Variants in IPO4 observed in about 807,000 individuals in gnomAD.
The protein encoded by IPO4 is importin-4.
A neutral mutation model predicts 133.5 loss-of-function variants in IPO4; 91 were observed. The ratio of observed to expected loss-of-function variants is 0.68; its 90% CI spans 0.58 to 0.81. The LOEUF (loss-of-function observed/expected upper bound fraction) is 0.81, where lower values mean the gene tolerates loss of function less well. Among genes scored for constraint, IPO4 ranks in the 30% least tolerant of loss-of-function variants. IPO4 has a pLI of 0.00. For missense variants in IPO4, 1,279 were observed against 1,386.2 expected (o/e 0.92, Z 1.23); for synonymous variants, 607 against 581.6 (o/e 1.04, Z -0.63).
chr14:24,180,632 CTG>C, intron 29 of IPO4, 55 bp downstream of exon 29: 1 of 1,612,756 alleles, frequency 6.2e-7, no homozygotes, highest in Non-Finnish European at 8.5e-7. Context: ...CCCAGGCTCT[CTG>C]AGCCCTGCCA....
In IPO4 at chr14:24,184,049, T is replaced by A. The variant is rs1402485225; in HGVS notation, c.1818A>T (p.Glu606Asp). Reference protein sequence around the residue: ...LMGEGLAPHLEQITTLMLLSL... With the variant: ...LMGEGLAPHLDQITTLMLLSL... The stretch of plus-strand genomic sequence containing the variant: ...ACAGCAGCATGAGCGTGGTGATCTG[T>A]TCCAAGTGGGGCGCCAGGCCCTCAC... Residue 606 changes from glutamate to aspartate, a missense_variant, in exon 18 of 30, where the codon GAA becomes GAT. Glu to Asp is a conservative substitution (Grantham distance 45). Transcript: ENST00000354464. The A allele has an allele frequency of 1.9e-6, 3 of 1,604,166 alleles. No individual in the cohort carries two copies. The highest frequency in any genetic ancestry group is 3.4e-5 in the Admixed American group (2 of 59,382).
Position 24,188,756 on chromosome 14 carries a change from C to A in IPO4, c.32G>T (p.Arg11Leu), listed in dbSNP as rs1566646403. Residue 11 changes from arginine (R) to leucine (L), a missense_variant, in exon 1 of 30, where the codon CGG (arginine) becomes CTG (leucine). Coordinates refer to ENST00000354464, the MANE Select transcript of IPO4 (RefSeq NM_024658.4). ...CTCGGTGTCCGGTAGCAGCAGCTCC[C>A]GTAGGAGCTGCTCTAGCCCGGCTGA... is the stretch of plus-strand genomic sequence containing the variant. MESAGLEQLL[R>L]ELLLPDTERI... 6.5e-7 allele frequency: 1 copy of A among 1,534,164 alleles called. No individual in the cohort carries two copies. Among genetic ancestry groups the A allele is most frequent in the Non-Finnish European group, 8.8e-7 (1 of 1,141,296 alleles).
At chr14:24,183,715 G>A in intron 19 of IPO4, 48 bp from the exon 20 acceptor site, 1 of 1,614,196 alleles carries the variant, frequency 6.2e-7, no homozygotes, top group East Asian at 2.2e-5. Context: ...AAGAGGAGCA[G>A]ATCCAGCACT....
At position 24,188,592 on chromosome 14, in the gene IPO4, G is replaced by A. The variant is rs1288488965; in HGVS notation, c.116C>T (p.Pro39Leu). 2.5e-6 allele frequency: 4 copies of A among 1,613,182 alleles called. No individual in the cohort carries two copies. Among genetic ancestry groups the A allele is most frequent in the East Asian group, 2.2e-5 (1 of 44,858 alleles). ...CGAGGCTAGCAGGTCGCAGAGAGCC[G>A]GCAAAGCGGCGGGGGCCCGAAGAAC... ...QIVLRAPAALPALCDLLASAA... is the reference protein window; with the variant it reads ...QIVLRAPAALLALCDLLASAA... Residue 39 changes from proline (P) to leucine (L), a missense_variant, in exon 2 of 30, where the codon CCG becomes CTG. Pro to Leu is a moderately conservative substitution (Grantham distance 98). Around this residue, in one of 3 missense-constraint regions of IPO4, gnomAD observed 695 missense variants for 704.1 expected, o/e 0.99. Coordinates refer to ENST00000354464, the MANE Select transcript of IPO4 (RefSeq NM_024658.4).
intron 28 of IPO4, 99 bp from the exon 29 acceptor site, chr14:24,180,857 G>C (rs974037182): frequency 2.2e-5 from 21 of 956,692 alleles, no homozygotes; most frequent in Non-Finnish European, 3.3e-5. Flanking sequence ...TATCAGGGGG[G>C]TGGTTGCACC....
Position 24,181,956 on chromosome 14 carries a change from C to T in IPO4, c.2806G>A (p.Glu936Lys). 3 of 1,610,844 alleles carry T rather than the reference C, an allele frequency of 1.9e-6. No individual in the cohort carries two copies. Among genetic ancestry groups the T allele is most frequent in the Non-Finnish European group, 2.5e-6 (3 of 1,180,016 alleles). The change falls in exon 26 of 30, where the codon GAA becomes AAA. Residue 936 changes from glutamate to lysine, a missense_variant and splice_region_variant. By Grantham distance (56) the Glu-to-Lys change is moderately conservative. Coordinates refer to ENST00000354464, the MANE Select transcript of IPO4 (RefSeq NM_024658.4). ...TCCCGTCCTGCGAGCCAAGGATACTCCTGGGCAGGGTGGCCCCCATGCTCT... is the reference window on the plus strand; with the variant it reads ...TCCCGTCCTGCGAGCCAAGGATACTTCTGGGCAGGGTGGCCCCCATGCTCT... ...LAEHGGHPAQ[E>K]HFPKLLGLLF...
Position 24,187,545 on chromosome 14 carries a change from G to A in IPO4, c.443C>T (p.Ser148Phe). 1.2e-6 allele frequency: 2 copies of A among 1,614,162 alleles called. No homozygotes were observed. The highest frequency in any genetic ancestry group is 8.5e-7 in the Non-Finnish European group (1 of 1,180,036). Residue 148 changes from serine (S) to phenylalanine (F), a missense_variant, in exon 6 of 30, where the codon TCC becomes TTC. Physicochemically the swap from Ser to Phe is radical, Grantham distance 155. Around this residue, in one of 3 missense-constraint regions of IPO4, gnomAD observed 695 missense variants for 704.1 expected, o/e 0.99. Transcript: ENST00000354464. ...GTGGGGTTGGAAGGCCTCGGGCCGG[G>A]AGGTCACCACCACACTTAGCAGCAA... ...GLLLLSVVVTSRPEAFQPHHR... is the reference protein window; with the variant it reads ...GLLLLSVVVTFRPEAFQPHHR...
In IPO4 at chr14:24,185,164, T is replaced by TC. The variant is rs1313598639; in HGVS notation, c.1408+18dup. Reference sequence around the variant, plus strand: ...GCCGCCTCATCCCCCTTCCCCAAGCTCCCCACTGCCATCACTACCTAGGTT... The same window carrying TC: ...GCCGCCTCATCCCCCTTCCCCAAGCTCCCCCACTGCCATCACTACCTAGGTT... On this transcript the variant is annotated intron_variant, in intron 14 of 29. Coordinates refer to ENST00000354464, the MANE Select transcript of IPO4 (RefSeq NM_024658.4). 1 of 1,613,432 alleles carries TC rather than the reference T, an allele frequency of 6.2e-7. No homozygotes were observed. Among genetic ancestry groups the TC allele is most frequent in the South Asian group, 1.1e-5 (1 of 91,062 alleles).
At position 24,183,429 on chromosome 14, in the gene IPO4, A is replaced by C. The variant is rs750152166; in HGVS notation, c.2121+27T>G. On this transcript the variant is annotated intron_variant, in intron 21 of 29. Coordinates refer to ENST00000354464, the MANE Select transcript of IPO4 (RefSeq NM_024658.4). Reference sequence around the variant, plus strand: ...ACAGGGCCCCCAGCCTGAGAACCCCACCCACTCCACCCGCCGGCCCGCTCA... The same window carrying C: ...ACAGGGCCCCCAGCCTGAGAACCCCCCCCACTCCACCCGCCGGCCCGCTCA... 7 of 1,595,448 alleles carry C rather than the reference A, an allele frequency of 4.4e-6. No homozygotes were observed. In the South Asian group the frequency reaches 7.8e-5, roughly 18 times the overall value.
Position 24,180,374 on chromosome 14 carries a change from C to T in IPO4, c.*68G>A, listed in dbSNP as rs1045420025. The T allele has an allele frequency of 1.9e-6, 3 of 1,557,742 alleles. No homozygotes were observed. Among genetic ancestry groups the T allele is most frequent in the Non-Finnish European group, 2.6e-6 (3 of 1,148,698 alleles). On this transcript the variant is annotated 3_prime_UTR_variant, in exon 30 of 30. Coordinates refer to ENST00000354464, the MANE Select transcript of IPO4 (RefSeq NM_024658.4). The stretch of plus-strand genomic sequence containing the variant: ...GAATCTTTGGTAAGGCAGAACTGAA[C>T]TGGGCTGAGAGGTGGTCTTAAGGCC...
Position 24,182,179 on chromosome 14 carries a change from AG to A in IPO4, c.2599-17del. The A allele has an allele frequency of 2.5e-6, 4 of 1,614,102 alleles. No homozygotes were observed. Among genetic ancestry groups the A allele is most frequent in the Non-Finnish European group, 3.4e-6 (4 of 1,179,992 alleles). On this transcript the variant is annotated splice_polypyrimidine_tract_variant and intron_variant, in intron 25 of 29. Coordinates refer to ENST00000354464, the MANE Select transcript of IPO4 (RefSeq NM_024658.4). ...AGCCCTGTTTCTGATGGGGGAGAAC[AG>A]GAAGGAGTACAGATCAGCCTGGGCC...
At chr14:24,185,094 G>A (rs141508274) in intron 14 of IPO4, 89 bp downstream of exon 14, 1 of 1,591,098 alleles carries the variant, frequency 6.3e-7, no homozygotes, top group East Asian at 2.2e-5. Flanking sequence ...CCTACCACAG[G>A]CAGCAATGCA....
chr14:24,180,253 C>T lies in IPO4; in HGVS notation c.*189G>A, dbSNP rs2039104303. On this transcript the variant is annotated 3_prime_UTR_variant, in exon 30 of 30. Transcript: ENST00000354464. ...AGCAGAAAACAAGCTGCTTTTATTACAGTATGATGTCATGACTCATTTGTA... is the reference window on the plus strand; with the variant it reads ...AGCAGAAAACAAGCTGCTTTTATTATAGTATGATGTCATGACTCATTTGTA... 6.4e-7 allele frequency: 1 copy of T among 1,558,374 alleles called. No homozygotes were observed. The highest frequency in any genetic ancestry group is 8.7e-7 in the Non-Finnish European group (1 of 1,150,186).
At position 24,182,329 on chromosome 14, in the gene IPO4, G is replaced by C. The variant is rs2039153516; in HGVS notation, c.2547C>G (p.Asp849Glu). 2.5e-6 allele frequency: 4 copies of C among 1,613,632 alleles called. No homozygotes were observed. The highest frequency in any genetic ancestry group is 3.4e-6 in the Non-Finnish European group (4 of 1,179,924). ...IPALAAAAGG[D>E]SFAPFFAGFL... is the part of the protein sequence containing the mutation. Reference sequence around the variant, plus strand: ...AACCGGCAAAGAATGGGGCAAAGGAGTCTCCCCCAGCCGCGGCTGCCAGGG... The same window carrying C: ...AACCGGCAAAGAATGGGGCAAAGGACTCTCCCCCAGCCGCGGCTGCCAGGG... Residue 849 changes from aspartate to glutamate, a missense_variant, in exon 25 of 30, where the codon GAC (aspartate) becomes GAG (glutamate). Around this residue, in one of 3 missense-constraint regions of IPO4, gnomAD observed 575 missense variants for 653.4 expected, o/e 0.88. Coordinates refer to ENST00000354464, the MANE Select transcript of IPO4 (RefSeq NM_024658.4).
At chr14:24,182,622 T>C in intron 24 of IPO4, 170 bp downstream of exon 24, 2 of 943,854 alleles carry the variant, frequency 2.1e-6, no homozygotes, top group Non-Finnish European at 3.4e-6. Flanking sequence ...CTGCTCTCCT[T>C]CCCTGAACTC....
chr14:24,185,835 T>C (rs201530729), intron 12 of IPO4, 26 bp downstream of exon 12: 1 of 1,573,736 alleles, frequency 6.4e-7, no homozygotes, highest in Non-Finnish European at 8.7e-7. Context: ...TGGGCAACCC[T>C]CACCCTGGGA....
chr14:24,185,598 G>A, intron 12 of IPO4, 31 bp from the exon 13 acceptor site: 2 of 1,574,214 alleles, frequency 1.3e-6, no homozygotes, highest in Non-Finnish European at 1.7e-6. Context: ...GACATAGGCT[G>A]AGAAGCTACA....
chr14:24,185,286 C>G lies in IPO4; in HGVS notation c.1305G>C (p.Glu435Asp), dbSNP rs201044071. The change falls in exon 14 of 30, where the codon GAG becomes GAC. Residue 435 changes from glutamate (E) to aspartate (D), a missense_variant. Around this residue, in one of 3 missense-constraint regions of IPO4, gnomAD observed 695 missense variants for 704.1 expected, o/e 0.99. Coordinates refer to ENST00000354464, the MANE Select transcript of IPO4 (RefSeq NM_024658.4). ...AGTAGGCGAGGAGCAGTGGCATTAC[C>G]TCCCTTGAATAGCTGCTGATATGGG... Reference protein sequence around the residue: ...LQPHISSYSREVMPLLLAYLK... With the variant: ...LQPHISSYSRDVMPLLLAYLK... 83 of 1,614,176 alleles carry G rather than the reference C, an allele frequency of 5.1e-5. No individual in the cohort carries two copies. The highest frequency in any genetic ancestry group is 6.9e-5 in the Non-Finnish European group (81 of 1,180,024).
At chr14:24,186,824 G>A (rs1385305412) in intron 8 of IPO4, 33 bp from the exon 9 acceptor site, 1 of 1,612,534 alleles carries the variant, frequency 6.2e-7, no homozygotes, top group African/African-American at 1.3e-5. Flanking sequence ...CAGCGACAGG[G>A]AAGGAGAGTC....
Sources: gnomAD v4.1 joint callset for allele counts on GRCh38, gnomAD v4.1.1 for gene constraint, gnomAD v4.1.1 regional missense constraint, MANE v1.5 for transcripts, NCBI Gene and HGNC (gene_info 2026-07-23, HGNC 2026-07-21) for gene names.